Variants in LOXHD1 observed in about 807,000 individuals in gnomAD.
LOXHD1 encodes lipoxygenase homology PLAT domains 1.
In LOXHD1, 205 loss-of-function variants were observed where a neutral mutation model predicts 248.2. The ratio of observed to expected loss-of-function variants is 0.83; its 90% CI spans 0.74 to 0.93. The LOEUF (loss-of-function observed/expected upper bound fraction) is 0.93. Ranked by LOEUF, LOXHD1 falls within the 40% of genes least tolerant of loss-of-function variation. The pLI is 0.00. For missense variants in LOXHD1, 2,930 were observed against 2,971.6 expected, an observed-to-expected ratio of 0.99 and a Z score of 0.33; for synonymous variants, 1,113 against 1,162.8, an observed-to-expected ratio of 0.96 and a Z score of 0.87.
At chr18:46,503,960 G>A (rs1488642372) in intron 37 of LOXHD1, among the ~76,000 whole-genome samples, 2 of 152,158 alleles carry the variant, frequency 1.3e-5, no homozygotes, top group Admixed American at 6.5e-5. Flanking sequence ...GGGTTTGGGT[G>A]ATGGCTGGTT....
chr18:46,530,420 C>T (rs1448074052), intron 28 of LOXHD1, among the ~76,000 whole-genome samples: 1 of 152,158 alleles, frequency 6.6e-6, no homozygotes, highest in Non-Finnish European at 1.5e-5. Flanking sequence ...AAGCCAGATT[C>T]ATGCAGGAGT....
Position 46,550,400 on chromosome 18 carries a change from C to T in LOXHD1, c.3351-3342G>A, listed in dbSNP as rs1384621911. Among the ~76,000 whole-genome samples, 28 of 151,110 alleles carry T rather than the reference C, an allele frequency of 1.9e-4. No homozygotes were observed. In the East Asian group the frequency reaches 4.3e-3, roughly 23 times the overall value. On this transcript the variant is annotated intron_variant, in intron 21 of 40. Coordinates refer to ENST00000642948, the MANE Select transcript of LOXHD1 (RefSeq NM_001384474.1). The stretch of plus-strand genomic sequence containing the variant: ...CATCCTGGCTAACAAGGTGAAACCC[C>T]GTCTCTACTAAAAATACAAAAAATT...
rs910963126 is a variant in LOXHD1 at position 46,639,820 on chromosome 18, C to T, written c.327-20G>A. 56 of 1,551,470 alleles carry T rather than the reference C, an allele frequency of 3.6e-5. No homozygotes were observed. The highest frequency in any genetic ancestry group is 4.7e-5 in the Non-Finnish European group (54 of 1,146,942). On this transcript the variant is annotated intron_variant, in intron 3 of 40. Coordinates refer to ENST00000642948, the MANE Select transcript of LOXHD1 (RefSeq NM_001384474.1). ...TCAATCCTGAGGCAGAAGCCAAGGCCCACACCATCACTGGCAGAACTGAAA... is the reference window on the plus strand; with the variant it reads ...TCAATCCTGAGGCAGAAGCCAAGGCTCACACCATCACTGGCAGAACTGAAA...
chr18:46,505,499 T>C lies in LOXHD1; in HGVS notation c.5878+339A>G, dbSNP rs35039413. ...CACCCGGCACAAACATAATCCTTTATAGAAAATCCATGGGAAATGAACTGG... is the reference window on the plus strand; with the variant it reads ...CACCCGGCACAAACATAATCCTTTACAGAAAATCCATGGGAAATGAACTGG... On this transcript the variant is annotated intron_variant, in intron 37 of 40. Coordinates refer to ENST00000642948, the MANE Select transcript of LOXHD1 (RefSeq NM_001384474.1). Among the ~76,000 whole-genome samples, 427 of 152,308 alleles carry C rather than the reference T, an allele frequency of 2.8e-3. 3 individuals are homozygous for C. Among genetic ancestry groups the C allele is most frequent in the Non-Finnish European group, 4.6e-3 (314 of 68,018 alleles).
intron 25 of LOXHD1, among the ~76,000 whole-genome samples, chr18:46,538,824 G>A (rs1245826139): frequency 6.6e-6 from 1 of 152,156 alleles, no homozygotes; most frequent in African/African-American, 2.4e-5. Context: ...CTACGGTAGT[G>A]AGCATTCTTT....
At chr18:46,480,995 C>T (rs1342816547) in intron 40 of LOXHD1, among the ~76,000 whole-genome samples, 2 of 152,084 alleles carry the variant, frequency 1.3e-5, no homozygotes. Context: ...GAGAACTGGT[C>T]AGGAAGGTCA....
intron 28 of LOXHD1, among the ~76,000 whole-genome samples, chr18:46,530,343 GC>G (rs2036008611): frequency 6.6e-6 from 1 of 152,210 alleles, no homozygotes; most frequent in Non-Finnish European, 1.5e-5. Context: ...GGAAGTGACA[GC>G]TGGGCTTCTT....
chr18:46,587,396 A>G (rs1366375923), intron 12 of LOXHD1, among the ~76,000 whole-genome samples: 1 of 152,194 alleles, frequency 6.6e-6, no homozygotes, highest in Non-Finnish European at 1.5e-5. Flanking sequence ...GGCAATTCCC[A>G]GAAGCAAAAT....
chr18:46,589,012 G>A (rs554971628), intron 12 of LOXHD1, among the ~76,000 whole-genome samples: 2 of 152,324 alleles, frequency 1.3e-5, no homozygotes, highest in Non-Finnish European at 2.9e-5. Flanking sequence ...GGCAGGGAAG[G>A]GCTGGCTAAG....
intron 21 of LOXHD1, among the ~76,000 whole-genome samples, chr18:46,547,568 A>C (rs755186557): frequency 1.1e-4 from 16 of 152,114 alleles, no homozygotes; most frequent in Non-Finnish European, 2.4e-4. Flanking sequence ...CCATCTAGGA[A>C]AGGGAGGTCC....
intron 13 of LOXHD1, among the ~76,000 whole-genome samples, chr18:46,579,129 T>G (rs328164): frequency 0.73 from 111,154 of 152,178 alleles, 41,013 homozygotes; most frequent in Non-Finnish European, 0.78. Flanking sequence ...GCAATGGTCA[T>G]GCCATAGGGG....
At chr18:46,580,744 A>G (rs1599024583) in intron 12 of LOXHD1, among the ~76,000 whole-genome samples, 1 of 152,208 alleles carries the variant, frequency 6.6e-6, no homozygotes, top group East Asian at 1.9e-4. Flanking sequence ...TTGGAGTGGT[A>G]AGGAGTGGAG....
intron 4 of LOXHD1, among the ~76,000 whole-genome samples, chr18:46,624,233 C>T (rs1036051765): frequency 6.6e-6 from 1 of 152,226 alleles, no homozygotes; most frequent in African/African-American, 2.4e-5. Context: ...CCCTCACTTC[C>T]GCTCACTGAG....
rs59602837 is a variant in LOXHD1, at chr18:46,607,168, C to CAAA, written c.760-2942_760-2940dup. Among the ~76,000 whole-genome samples the CAAA allele has an allele frequency of 7.8e-3, 913 of 116,402 alleles. 12 individuals are homozygous for CAAA. Among genetic ancestry groups the CAAA allele is most frequent in the African/African-American group, 0.028 (875 of 31,816 alleles). 76.4% of individuals were successfully genotyped at this position (116,402 alleles called of 152,430 possible). On this transcript the variant is annotated intron_variant, in intron 6 of 40. Coordinates refer to ENST00000642948, the MANE Select transcript of LOXHD1 (RefSeq NM_001384474.1). ...TCAGTGACAGAGTGACATTCTGTCT[C>CAAA]AAAAAAAAAAAAATTATATTGTAAA...
intron 5 of LOXHD1, among the ~76,000 whole-genome samples, chr18:46,616,481 T>A (rs906419278): frequency 7.2e-5 from 11 of 152,216 alleles, no homozygotes; most frequent in Non-Finnish European, 1.3e-4. Context: ...CATTTCTTCA[T>A]GCGCTGATGT....
intron 12 of LOXHD1, among the ~76,000 whole-genome samples, chr18:46,587,243 A>G (rs542122808): frequency 1.9e-4 from 29 of 152,216 alleles, no homozygotes; most frequent in Non-Finnish European, 3.7e-4. Context: ...GAATGGTCCA[A>G]CGTATCAACA....
intron 23 of LOXHD1, 119 bp downstream of exon 23, chr18:46,545,198 C>A: frequency 1.4e-6 from 1 of 739,886 alleles, no homozygotes; most frequent in Non-Finnish European, 2.3e-6. Flanking sequence ...GGGCTAATTG[C>A]TTGCATCCTA....
intron 21 of LOXHD1, among the ~76,000 whole-genome samples, chr18:46,547,491 C>T (rs1426797138): frequency 5.9e-5 from 9 of 152,094 alleles, no homozygotes; most frequent in Non-Finnish European, 1.2e-4. Context: ...TGGAATGAGC[C>T]AATTATGTCT....
In LOXHD1 at chr18:46,524,879, G is replaced by T. The variant is rs2035755399; in HGVS notation, c.4569C>A (p.Val1523=). The T allele has an allele frequency of 6.4e-7, 1 of 1,551,736 alleles. No homozygotes were observed. The highest frequency in any genetic ancestry group is 2.4e-5 in the East Asian group (1 of 40,914). The change falls in exon 30 of 41, where the codon GTC becomes GTA. Residue 1523 remains valine (V), a synonymous_variant. Coordinates refer to ENST00000642948, the MANE Select transcript of LOXHD1 (RefSeq NM_001384474.1). ...CATGGCGGAGCTTGATCTTGTAGAT[G>T]ACGCCTAGGTCAGCGGCCTCGATGA... is the stretch of plus-strand genomic sequence containing the variant. ...TFIIEAADLG[V]IYKIKLRHDN...
Sources: allele counts gnomAD v4.1 joint callset (sites outside exome capture counted in the v4.1 genomes callset), GRCh38; gene constraint gnomAD v4.1.1; transcripts MANE v1.5; gene names NCBI Gene and HGNC (gene_info 2026-07-23, HGNC 2026-07-21).